IL12B: variants seen among roughly 807,000 people sequenced by gnomAD.
IL12B encodes the protein interleukin 12B, also known as interleukin-12 subunit beta.
A neutral mutation model predicts 39.2 loss-of-function variants in IL12B; 27 were observed. That is an observed-to-expected ratio of 0.69 (90% confidence interval 0.51 to 0.95). IL12B has a LOEUF of 0.95. Ranked by LOEUF, IL12B falls within the 40% of genes least tolerant of loss-of-function variation. IL12B has a pLI of 0.00. For missense variants in IL12B, 351 were observed against 397.6 expected (o/e 0.88, Z 1.00); for synonymous variants, 142 against 152.1 (o/e 0.93, Z 0.49).
At chr5:159,321,258 G>C (rs1157850253) in intron 4 of IL12B, among the ~76,000 whole-genome samples, 1 of 151,598 alleles carries the variant, frequency 6.6e-6, no homozygotes, top group Non-Finnish European at 1.5e-5. Flanking sequence ...TTCTGTCTCA[G>C]CCTCCCAAAG....
chr5:159,320,344 T>C lies in IL12B; in HGVS notation c.659A>G (p.Tyr220Cys). 1 of 1,614,108 alleles carries C rather than the reference T, an allele frequency of 6.2e-7. No individual in the cohort carries two copies. Among genetic ancestry groups the C allele is most frequent in the Non-Finnish European group, 8.5e-7 (1 of 1,180,006 alleles). Reference sequence around the variant, plus strand: ...GAAGAAGCTGCTGGTGTAGTTTTCATACTTGAGCTTGTGAACGGCATCCAC... The same window carrying C: ...GAAGAAGCTGCTGGTGTAGTTTTCACACTTGAGCTTGTGAACGGCATCCAC... ...VMVDAVHKLK[Y>C]ENYTSSFFIR... is the part of the protein sequence containing the mutation. The change falls in exon 5 of 8, where the codon TAT becomes TGT. Residue 220 changes from tyrosine (Y) to cysteine (C), a missense_variant. Transcript: ENST00000231228.
intron 3 of IL12B, 72 bp from the exon 4 acceptor site, chr5:159,322,583 C>T (rs1754111369): frequency 2.1e-6 from 2 of 931,984 alleles, no homozygotes; most frequent in Non-Finnish European, 3.5e-6. Flanking sequence ...TGATGAATCA[C>T]AGATCACCAG....
intron 3 of IL12B, 37 bp from the exon 4 acceptor site, chr5:159,322,548 G>A (rs1562113214): frequency 1.5e-6 from 2 of 1,351,666 alleles, no homozygotes; most frequent in East Asian, 4.6e-5. Context: ...ATATTTAGGA[G>A]TTTTTTGCAG....
chr5:159,320,606 C>G (rs1754071055), intron 4 of IL12B, 86 bp from the exon 5 acceptor site: 2 of 1,103,574 alleles, frequency 1.8e-6, no homozygotes, highest in South Asian at 2.6e-5. Context: ...GGTAAGGCCT[C>G]AACTGTTGTC....
intron 4 of IL12B, 132 bp downstream of exon 4, chr5:159,322,262 C>A: frequency 2.7e-6 from 2 of 752,048 alleles, no homozygotes; most frequent in Non-Finnish European, 2.4e-6. Flanking sequence ...CAAGGAAGGG[C>A]GGTTGAAAAA....
At chr5:159,321,953 T>C (rs181922994) in intron 4 of IL12B, among the ~76,000 whole-genome samples, 1 of 152,166 alleles carries the variant, frequency 6.6e-6, no homozygotes, top group East Asian at 1.9e-4. Context: ...CCTGGGAAAA[T>C]TTCGGGAGGC....
chr5:159,321,364 T>TAC (rs1371860966), intron 4 of IL12B, among the ~76,000 whole-genome samples: 4 of 147,282 alleles, frequency 2.7e-5, no homozygotes, highest in Admixed American at 6.8e-5. Flanking sequence ...TATATATATA[T>TAC]ATACACACAC....
intron 6 of IL12B, among the ~76,000 whole-genome samples, chr5:159,317,820 C>T (rs1754014551): frequency 2.0e-5 from 3 of 152,224 alleles, no homozygotes; most frequent in Admixed American, 2.0e-4. Flanking sequence ...CAATTTTAGG[C>T]TTCTGGAGCC....
intron 4 of IL12B, among the ~76,000 whole-genome samples, 173 bp from the exon 5 acceptor site, chr5:159,320,693 A>C (rs993502275): frequency 2.6e-5 from 4 of 152,252 alleles, no homozygotes; most frequent in African/African-American, 9.6e-5. Flanking sequence ...GAAAAAGCTT[A>C]AATTCAAGAG....
At chr5:159,323,505 A>C (rs1754136065) in intron 2 of IL12B, among the ~76,000 whole-genome samples, 176 bp from the exon 3 acceptor site, 1 of 152,248 alleles carries the variant, frequency 6.6e-6, no homozygotes, top group Non-Finnish European at 1.5e-5. Context: ...GCTCAAGGTC[A>C]TGGAAAAGAG....
rs1395224535 is a variant in IL12B at position 159,322,272 on chromosome 5, AAC to A, written c.482+120_482+121del. On this transcript the variant is annotated intron_variant, in intron 4 of 7. Transcript: ENST00000231228. ...GTAGACAAGGAAGGGCGGTTGAAAAAACACGGGTTTGACTTTGCTTTTCCCAT... is the reference window on the plus strand; with the variant it reads ...GTAGACAAGGAAGGGCGGTTGAAAAAACGGGTTTGACTTTGCTTTTCCCAT... 5 of 776,858 alleles carry A rather than the reference AAC, an allele frequency of 6.4e-6. No homozygotes were observed. In the African/African-American group the frequency reaches 8.5e-5, roughly 13 times the overall value. The allele number at this position is 776,858 out of a possible 1,614,324, so 48.1% of individuals were successfully genotyped here. A position where few individuals can be genotyped will look rare whatever the true frequency, so the allele number is the denominator to read the frequency against.
chr5:159,326,574 G>T, intron 2 of IL12B, 121 bp downstream of exon 2: 1 of 711,592 alleles, frequency 1.4e-6, no homozygotes, highest in South Asian at 1.6e-5. Flanking sequence ...CCAGAGTGAT[G>T]GCTTTCTCTA....
intron 4 of IL12B, among the ~76,000 whole-genome samples, chr5:159,321,139 C>T (rs904733419): frequency 2.0e-5 from 3 of 151,970 alleles, no homozygotes; most frequent in Admixed American, 6.6e-5. Flanking sequence ...GCTGGGACTA[C>T]AGGTGTGTGC....
intron 1 of IL12B, among the ~76,000 whole-genome samples, chr5:159,328,084 A>G (rs1057480085): frequency 6.6e-6 from 1 of 152,202 alleles, no homozygotes; most frequent in Admixed American, 6.5e-5. Context: ...GGGTGACGGA[A>G]TATTGACAAA....
intron 7 of IL12B, 68 bp downstream of exon 7, chr5:159,316,617 C>T: frequency 6.5e-7 from 1 of 1,542,848 alleles, no homozygotes; most frequent in Non-Finnish European, 8.8e-7. Flanking sequence ...ACACAGCCCC[C>T]AATCATATCC....
intron 1 of IL12B, among the ~76,000 whole-genome samples, chr5:159,329,451 G>C (rs1473428949): frequency 6.6e-6 from 1 of 152,090 alleles, no homozygotes; most frequent in Non-Finnish European, 1.5e-5. Context: ...CCCACTATTT[G>C]CTCCCCTCCT....
chr5:159,320,234 G>A (rs113026430), intron 5 of IL12B, 72 bp downstream of exon 5: 1 of 1,286,880 alleles, frequency 7.8e-7, no homozygotes, highest in Non-Finnish European at 1.1e-6. Context: ...ACCCCACAGT[G>A]CATGGGGCAT....
chr5:159,321,991 GGC>G (rs1754101926), intron 4 of IL12B, among the ~76,000 whole-genome samples: 1 of 149,996 alleles, frequency 6.7e-6, no homozygotes, highest in African/African-American at 2.5e-5. Context: ...TCTGCTTCAG[GGC>G]CCCTAAGATC....
chr5:159,316,955 G>T, intron 6 of IL12B, 139 bp from the exon 7 acceptor site: 1 of 926,890 alleles, frequency 1.1e-6, no homozygotes, highest in Non-Finnish European at 1.8e-6. Flanking sequence ...TCACAGGGGT[G>T]TGCATAGAAC....
Sources: gnomAD v4.1 joint callset for allele counts (sites outside exome capture counted in the v4.1 genomes callset) on GRCh38, gnomAD v4.1.1 for gene constraint, MANE v1.5 for transcripts, NCBI Gene and HGNC (gene_info 2026-07-23, HGNC 2026-07-21) for gene names.